The following MYO7B variants were observed in gnomAD, a reference collection of about 807,000 sequenced individuals.
The protein encoded by MYO7B is unconventional myosin-VIIb.
MYO7B carries 212 observed loss-of-function variants against 259.7 expected under a neutral mutation model. The ratio of observed to expected loss-of-function variants is 0.82; its 90% CI spans 0.73 to 0.91. MYO7B has a LOEUF of 0.91. MYO7B is among the 40% of genes least tolerant of loss of function. MYO7B has a pLI of 0.00. For synonymous variants in MYO7B, 1,197 were observed against 1,166.4 expected (o/e 1.03, Z -0.54); for missense variants, 2,732 against 2,813.5 (o/e 0.97, Z 0.66).
chr2:127,575,047 G>A (rs1046470539), intron 7 of MYO7B, among the ~76,000 whole-genome samples: 19 of 152,144 alleles, frequency 1.2e-4, no homozygotes, highest in Non-Finnish European at 4.4e-5. Context: ...GGGTCCAGAG[G>A]GGAGAATGCC....
At chr2:127,633,436 C>A (rs1681630163) in intron 40 of MYO7B, 73 bp downstream of exon 40, 1 of 1,440,012 alleles carries the variant, frequency 6.9e-7, no homozygotes, top group South Asian at 1.2e-5. Flanking sequence ...CTTCCTGGCC[C>A]AGCCTGCTCC....
rs534902211 is a variant in MYO7B at position 127,546,990 on chromosome 2, A to G, written c.-24+11159A>G. ...CACCAATCTATCCATCCATCAACCC[A>G]TCAGTGGATCCATCCATCCACTTAC... On this transcript the variant is annotated intron_variant, in intron 1 of 47. Coordinates refer to ENST00000409816, the MANE Select transcript of MYO7B (RefSeq NM_001393586.1). This position sits in a 1 kb window ranked among gnomAD's most constrained non-coding sequence, Gnocchi z 4.2. Among the ~76,000 whole-genome samples, 1 of 151,982 alleles carries G rather than the reference A, an allele frequency of 6.6e-6. No individual in the cohort carries two copies. The highest frequency in any genetic ancestry group is 2.4e-5 in the African/African-American group (1 of 41,416).
At chr2:127,579,829 T>G (rs923907918) in intron 9 of MYO7B, among the ~76,000 whole-genome samples, 1 of 152,168 alleles carries the variant, frequency 6.6e-6, no homozygotes, top group African/African-American at 2.4e-5. Flanking sequence ...CAGGTGATCC[T>G]TCTGCTTCAG....
chr2:127,602,662 CAAAG>C (rs1680007240), intron 19 of MYO7B, among the ~76,000 whole-genome samples: 1 of 145,694 alleles, frequency 6.9e-6, no homozygotes, highest in South Asian at 2.1e-4. Flanking sequence ...AAAAAGAAAA[CAAAG>C]AAAGGAAACA....
intron 1 of MYO7B, among the ~76,000 whole-genome samples, chr2:127,557,401 A>G (rs546707098): frequency 6.6e-6 from 1 of 152,160 alleles, no homozygotes; most frequent in Admixed American, 6.5e-5. Context: ...TTTTTCAAGT[A>G]AGTCAGGGAT....
chr2:127,560,167 C>G (rs936680367), intron 2 of MYO7B, among the ~76,000 whole-genome samples: 1 of 152,022 alleles, frequency 6.6e-6, no homozygotes, highest in Non-Finnish European at 1.5e-5. Flanking sequence ...GCTGGGACCA[C>G]AGGTGCATGC....
intron 43 of MYO7B, 78 bp from the exon 44 acceptor site, chr2:127,635,644 C>T: frequency 6.9e-7 from 1 of 1,441,844 alleles, no homozygotes. Context: ...CAGTTCCCCA[C>T]CATCTGAGCG....
chr2:127,555,979 G>C (rs566482276), intron 1 of MYO7B, among the ~76,000 whole-genome samples: 2 of 152,310 alleles, frequency 1.3e-5, no homozygotes, highest in South Asian at 2.1e-4. Context: ...GACCTGCCTA[G>C]TGCTGCCAGT....
chr2:127,546,774 A>G lies in MYO7B; in HGVS notation c.-24+10943A>G, dbSNP rs1426280790. Among the ~76,000 whole-genome samples, 5 of 150,184 alleles carry G rather than the reference A, an allele frequency of 3.3e-5. No homozygotes were observed. Among genetic ancestry groups the G allele is most frequent in the African/African-American group, 1.2e-4 (5 of 40,294 alleles). On this transcript the variant is annotated intron_variant, in intron 1 of 47. Coordinates refer to ENST00000409816, the MANE Select transcript of MYO7B (RefSeq NM_001393586.1). The surrounding 1 kb of genome is among the most constrained non-coding windows in gnomAD (Gnocchi z 4.2). ...CTTTCCTGGGTAGGTCCATCCATCC[A>G]TCCATCCATCCATCCATCCATCCAT... is the stretch of plus-strand genomic sequence containing the variant.
chr2:127,544,031 A>C lies in MYO7B; in HGVS notation c.-24+8200A>C, dbSNP rs554986637. ...CGTGATCTGCCTGCCTCGGCCTCCC[A>C]AAGTGCTGGGATTACAGGCTAGAGC... On this transcript the variant is annotated intron_variant, in intron 1 of 47. Coordinates refer to ENST00000409816, the MANE Select transcript of MYO7B (RefSeq NM_001393586.1). Among the ~76,000 whole-genome samples the C allele has an allele frequency of 2.0e-3, 305 of 152,122 alleles. 1 individual carries two copies. The highest frequency in any genetic ancestry group is 7.0e-3 in the African/African-American group (292 of 41,482).
At position 127,628,418 on chromosome 2, in the gene MYO7B, G is replaced by T; in HGVS notation, c.4507G>T (p.Glu1503Ter). 6.3e-7 allele frequency: 1 copy of T among 1,599,970 alleles called. No homozygotes were observed. The highest frequency in any genetic ancestry group is 2.2e-5 in the East Asian group (1 of 44,526). ...GCTGCTGCTCTCCACGATGCATGAG[G>T]AGTACGAGTTTGTGTCACCCAGCAG... ...QRLLLSTMHE[E>*]YEFVSPSSVA... The change falls in exon 34 of 48, where the codon GAG (glutamate) becomes TAG (stop). Residue 1503 changes from glutamate (E) to a stop codon, truncating the protein, a stop_gained. Coordinates refer to ENST00000409816, the MANE Select transcript of MYO7B (RefSeq NM_001393586.1). LOFTEE classifies it high-confidence loss of function. The surrounding 1 kb of genome is among the most constrained non-coding windows in gnomAD (Gnocchi z 4.8).
At chr2:127,545,027 A>G in intron 1 of MYO7B, among the ~76,000 whole-genome samples, 1 of 152,174 alleles carries the variant, frequency 6.6e-6, no homozygotes, top group East Asian at 1.9e-4. Flanking sequence ...ACCCGGCCCT[A>G]ACCATGCTTT....
chr2:127,544,891 AT>A (rs200960899), intron 1 of MYO7B, among the ~76,000 whole-genome samples: 1 of 149,036 alleles, frequency 6.7e-6, no homozygotes, highest in Non-Finnish European at 1.5e-5. Flanking sequence ...CGTCTGGCTA[AT>A]TTTTTTGTAT....
At position 127,622,109 on chromosome 2, in the gene MYO7B, C is replaced by G. The variant is rs773321391; in HGVS notation, c.3645+8C>G. 6.5e-7 allele frequency: 1 copy of G among 1,547,976 alleles called. No homozygotes were observed. The highest frequency in any genetic ancestry group is 1.2e-5 in the South Asian group (1 of 83,826). ...ACCTGGCTGGAGCTGCAGGTAGGGG[C>G]TGGCAGGGGTGAGAGCGGGCAGGGT... On this transcript the variant is annotated splice_region_variant and intron_variant, in intron 28 of 47. Transcript: ENST00000409816.
At chr2:127,595,949 G>C (rs545312714) in intron 18 of MYO7B, among the ~76,000 whole-genome samples, 97 of 152,074 alleles carry the variant, frequency 6.4e-4, no homozygotes, top group Non-Finnish European at 1.2e-3. Flanking sequence ...GTTGTTTTGG[G>C]GTGGAGAGTT....
Position 127,593,531 on chromosome 2 carries a change from G to C in MYO7B, c.2146-15G>C, listed in dbSNP as rs749547309. On this transcript the variant is annotated splice_polypyrimidine_tract_variant and intron_variant, in intron 17 of 47. Transcript: ENST00000409816. The stretch of plus-strand genomic sequence containing the variant: ...TGCCCCACCTCCCACCGATACCCCC[G>C]TTTGGTCTTGGCAGCTGCAAGGCAA... The C allele has an allele frequency of 6.2e-7, 1 of 1,611,434 alleles. No individual in the cohort carries two copies. Among genetic ancestry groups the C allele is most frequent in the South Asian group, 1.1e-5 (1 of 90,932 alleles).
chr2:127,637,410 G>T lies in MYO7B; in HGVS notation c.6422G>T (p.Ser2141Ile). 1 of 1,529,572 alleles carries T rather than the reference G, an allele frequency of 6.5e-7. No individual in the cohort carries two copies. Among genetic ancestry groups the T allele is most frequent in the Non-Finnish European group, 8.8e-7 (1 of 1,138,264 alleles). 94.8% of individuals were successfully genotyped at this position (1,529,572 alleles called of 1,614,324 possible). A position where few individuals can be genotyped will look rare whatever the true frequency, so the allele number is the denominator to read the frequency against. The stretch of plus-strand genomic sequence containing the variant: ...GGCTCCAAGGCCCCAGCCCTGGCCA[G>T]CACCTAGCAGCGGATGCTGGCGTGT... ...QRGSKAPALA[S>I]T The change falls in exon 48 of 48, where the codon AGC (serine) becomes ATC (isoleucine). Residue 2141 changes from serine to isoleucine, a missense_variant. Coordinates refer to ENST00000409816, the MANE Select transcript of MYO7B (RefSeq NM_001393586.1).
At chr2:127,589,357 G>C (rs2104963124) in intron 15 of MYO7B, among the ~76,000 whole-genome samples, 1 of 151,160 alleles carries the variant, frequency 6.6e-6, no homozygotes, top group South Asian at 2.1e-4. Context: ...ATGGATGGGT[G>C]GGTGGAATGG....
chr2:127,548,821 A>G (rs1474917569), intron 1 of MYO7B, among the ~76,000 whole-genome samples: 1 of 151,908 alleles, frequency 6.6e-6, no homozygotes, highest in Non-Finnish European at 1.5e-5. Context: ...TTAATTTTAC[A>G]TTTTTCTTCG....
Sources: gnomAD v4.1 joint callset for allele counts (sites outside exome capture counted in the v4.1 genomes callset) on GRCh38, gnomAD v4.1.1 for gene constraint, Gnocchi (gnomAD v3.1) non-coding constraint, MANE v1.5 for transcripts, NCBI Gene and HGNC (gene_info 2026-07-23, HGNC 2026-07-21) for gene names.